The following SRSF12 variants were observed in gnomAD, a reference collection of about 807,000 sequenced individuals.
SRSF12 encodes serine and arginine rich splicing factor 12, also known as serine/arginine-rich splicing factor 12.
Under a neutral mutation model 34.1 loss-of-function variants are expected in SRSF12, and 21 were observed. That is an observed-to-expected ratio of 0.62 (90% CI 0.44 to 0.89). The LOEUF (loss-of-function observed/expected upper bound fraction) is 0.89, where lower values mean the gene tolerates loss of function less well. Ranked by LOEUF, SRSF12 falls within the 40% of genes least tolerant of loss-of-function variation. The pLI, the probability that SRSF12 is intolerant of heterozygous loss-of-function variation, is 0.00. For missense variants in SRSF12, 278 were observed against 327.8 expected (o/e 0.85, Z 1.17); for synonymous variants, 111 against 110.8 (o/e 1.00, Z -0.01).
intron 1 of SRSF12, among the ~76,000 whole-genome samples, chr6:89,109,553 G>A (rs1044374398): frequency 1.5e-4 from 23 of 152,182 alleles, no homozygotes; most frequent in Admixed American, 6.5e-5. Flanking sequence ...GTGGCTAAGA[G>A]GAAAGGGATC....
At chr6:89,117,345 G>T (rs925969138) in intron 1 of SRSF12, among the ~76,000 whole-genome samples, 1 of 152,204 alleles carries the variant, frequency 6.6e-6, no homozygotes, top group African/African-American at 2.4e-5. Context: ...AAACTGTAAG[G>T]CCCGAGTACG....
chr6:89,100,555 A>T lies in SRSF12; in HGVS notation c.417-1608T>A, dbSNP rs549377627. 5.9e-5 allele frequency among the ~76,000 whole-genome samples: 9 copies of T among 152,068 alleles called. No individual in the cohort carries two copies. In the South Asian group the frequency reaches 1.9e-3, roughly 32 times the overall value. On this transcript the variant is annotated intron_variant, in intron 4 of 4. Transcript: ENST00000452027. ...AAAAAAACAGGCAAGAATAACTAAA[A>T]ACTAAGGAAAATAAAAGGCAAAGAA... is the stretch of plus-strand genomic sequence containing the variant.
Position 89,098,149 on chromosome 6 carries a change from A to AT in SRSF12, c.*428dup, listed in dbSNP as rs1562189304. 2.0e-5 allele frequency: 3 copies of AT among 152,984 alleles called. No individual in the cohort carries two copies. The highest frequency in any genetic ancestry group is 4.4e-5 in the Non-Finnish European group (3 of 68,618). The allele number at this position is 152,984 out of a possible 1,614,324, so 9.5% of individuals were successfully genotyped here. A position where few individuals can be genotyped will look rare whatever the true frequency, so the allele number is the denominator to read the frequency against. On this transcript the variant is annotated 3_prime_UTR_variant, in exon 5 of 5. Coordinates refer to ENST00000452027, the MANE Select transcript of SRSF12 (RefSeq NM_080743.5). The stretch of plus-strand genomic sequence containing the variant: ...TTTAAACAGAAGACACAAAAGAGAC[A>AT]TAGGTGTCAAACAGCTTAAGTCTGC...
At chr6:89,104,524 C>T (rs1344168035) in intron 4 of SRSF12, among the ~76,000 whole-genome samples, 1 of 152,238 alleles carries the variant, frequency 6.6e-6, no homozygotes, top group East Asian at 1.9e-4. Context: ...GTGTGAGCCA[C>T]TGCACGCGGC....
At chr6:89,116,888 T>C (rs1237467506) in intron 1 of SRSF12, among the ~76,000 whole-genome samples, 6 of 152,178 alleles carry the variant, frequency 3.9e-5, no homozygotes, top group African/African-American at 1.2e-4. Context: ...CATGTATCTA[T>C]ACCTCTCTGG....
intron 1 of SRSF12, among the ~76,000 whole-genome samples, chr6:89,116,842 AAT>A (rs972274054): frequency 2.0e-5 from 3 of 152,164 alleles, no homozygotes; most frequent in African/African-American, 7.2e-5. Flanking sequence ...GGTAAATTAT[AAT>A]ACTCATCTCA....
intron 4 of SRSF12, 86 bp downstream of exon 4, chr6:89,105,033 G>T: frequency 2.2e-6 from 3 of 1,345,752 alleles, no homozygotes; most frequent in East Asian, 2.6e-5. Flanking sequence ...ACTCCAGCCT[G>T]GGAAACAATG....
intron 1 of SRSF12, among the ~76,000 whole-genome samples, chr6:89,113,216 C>G (rs563294482): frequency 7.2e-5 from 11 of 152,270 alleles, no homozygotes; most frequent in Middle Eastern, 3.4e-3. Context: ...ACTCTGTCAC[C>G]CAGGCTGGAG....
rs57609499 is a variant in SRSF12, at chr6:89,098,279, G to C, written c.*299C>G. Reference sequence around the variant, plus strand: ...TAATAGTACTAATACTATGCAAGTAGAATTTTAAAAATTAGTTCCAGTTTA... The same window carrying C: ...TAATAGTACTAATACTATGCAAGTACAATTTTAAAAATTAGTTCCAGTTTA... On this transcript the variant is annotated 3_prime_UTR_variant, in exon 5 of 5. Coordinates refer to ENST00000452027, the MANE Select transcript of SRSF12 (RefSeq NM_080743.5). 6 of 253,958 alleles carry C rather than the reference G, an allele frequency of 2.4e-5. No homozygotes were observed. In the East Asian group the frequency reaches 5.8e-4, roughly 25 times the overall value. The allele number at this position is 253,958 out of a possible 1,614,324, so 15.7% of individuals were successfully genotyped here.
chr6:89,114,544 A>G (rs1769200696), intron 1 of SRSF12, among the ~76,000 whole-genome samples: 1 of 152,170 alleles, frequency 6.6e-6, no homozygotes, highest in Non-Finnish European at 1.5e-5. Context: ...AACAAATGTT[A>G]GAGATTTCAT....
At chr6:89,111,623 T>A (rs886763030) in intron 1 of SRSF12, among the ~76,000 whole-genome samples, 85 of 152,246 alleles carry the variant, frequency 5.6e-4, no homozygotes, top group African/African-American at 2.0e-3. Flanking sequence ...AATTTTTGTA[T>A]TTTATATCTT....
At chr6:89,116,440 C>T (rs1164912664) in intron 1 of SRSF12, among the ~76,000 whole-genome samples, 3 of 152,088 alleles carry the variant, frequency 2.0e-5, no homozygotes, top group African/African-American at 7.2e-5. Context: ...ATATATTAAC[C>T]ACAACATATA....
At position 89,104,662 on chromosome 6, in the gene SRSF12, A is replaced by G. The variant is rs545393846; in HGVS notation, c.416+457T>C. Among the ~76,000 whole-genome samples, 5 of 152,360 alleles carry G rather than the reference A, an allele frequency of 3.3e-5. No homozygotes were observed. In the East Asian group the frequency reaches 9.6e-4, roughly 29 times the overall value. The stretch of plus-strand genomic sequence containing the variant: ...CCATAAACCCAAGTTAAATAACAAT[A>G]TATGATAAATAGAGAAGAGTGTTAT... On this transcript the variant is annotated intron_variant, in intron 4 of 4. Coordinates refer to ENST00000452027, the MANE Select transcript of SRSF12 (RefSeq NM_080743.5).
At position 89,117,684 on chromosome 6, in the gene SRSF12, C is replaced by T. The variant is rs576755137; in HGVS notation, c.65+139G>A. The T allele has an allele frequency of 1.4e-3, 1,156 of 813,846 alleles. 1 individual carries two copies. Among genetic ancestry groups the T allele is most frequent in the Non-Finnish European group, 1.9e-3 (1,081 of 573,880 alleles). The allele number at this position is 813,846 out of a possible 1,614,324, so 50.4% of individuals were successfully genotyped here. On this transcript the variant is annotated intron_variant, in intron 1 of 4. Transcript: ENST00000452027. The stretch of plus-strand genomic sequence containing the variant: ...GGAGTAGTCCGAGGGCTCACACCTC[C>T]CCAAGTGGCGCAGCCTGGGCCCGCG...
intron 1 of SRSF12, among the ~76,000 whole-genome samples, chr6:89,111,627 A>T (rs1016630917): frequency 6.6e-6 from 1 of 152,022 alleles, no homozygotes; most frequent in Non-Finnish European, 1.5e-5. Flanking sequence ...TTTGTATTTT[A>T]TATCTTTTTT....
At chr6:89,108,997 CT>C (rs1768920452) in intron 1 of SRSF12, among the ~76,000 whole-genome samples, 1 of 152,166 alleles carries the variant, frequency 6.6e-6, no homozygotes, top group African/African-American at 2.4e-5. Flanking sequence ...GTGACAATGT[CT>C]TTTTTCTTTT....
At position 89,097,761 on chromosome 6, in the gene SRSF12, AGT is replaced by A. The variant is rs1768329768; in HGVS notation, c.*815_*816del. 1 of 152,244 alleles carries A rather than the reference AGT, an allele frequency of 6.6e-6. No individual in the cohort carries two copies. The highest frequency in any genetic ancestry group is 1.5e-5 in the Non-Finnish European group (1 of 68,044). The allele number at this position is 152,244 out of a possible 1,614,324, so 9.4% of individuals were successfully genotyped here. A position where few individuals can be genotyped will look rare whatever the true frequency, so the allele number is the denominator to read the frequency against. ...AGAAAAAATTAAGCAACAGATGAAAAGTAGGTATGTGGAAATAATGGTATCAA... is the reference window on the plus strand; with the variant it reads ...AGAAAAAATTAAGCAACAGATGAAAAAGGTATGTGGAAATAATGGTATCAA... On this transcript the variant is annotated 3_prime_UTR_variant, in exon 5 of 5. Coordinates refer to ENST00000452027, the MANE Select transcript of SRSF12 (RefSeq NM_080743.5).
At position 89,098,461 on chromosome 6, in the gene SRSF12, G is replaced by A. The variant is rs1026381017; in HGVS notation, c.*117C>T. On this transcript the variant is annotated 3_prime_UTR_variant, in exon 5 of 5. Coordinates refer to ENST00000452027, the MANE Select transcript of SRSF12 (RefSeq NM_080743.5). ...GCTAGAGATTTTATTTCTTCCATAT[G>A]CCCAAAGTAACTAATATCAACTCGC... 7.7e-7 allele frequency: 1 copy of A among 1,303,912 alleles called. No homozygotes were observed. The highest frequency in any genetic ancestry group is 1.5e-5 in the African/African-American group (1 of 66,602). 80.8% of individuals were successfully genotyped at this position (1,303,912 alleles called of 1,614,324 possible).
intron 4 of SRSF12, among the ~76,000 whole-genome samples, chr6:89,104,223 C>CT (rs138798211): frequency 0.041 from 5,019 of 123,116 alleles, 395 homozygotes; most frequent in African/African-American, 0.14. Flanking sequence ...AACTCATCAC[C>CT]TTTTTTTTTT....
Sources: gnomAD v4.1 joint callset for allele counts (sites outside exome capture counted in the v4.1 genomes callset) on GRCh38, gnomAD v4.1.1 for gene constraint, MANE v1.5 for transcripts, NCBI Gene and HGNC (gene_info 2026-07-23, HGNC 2026-07-21) for gene names.